Variants in TUSC3 observed in about 807,000 individuals in gnomAD.
TUSC3 encodes the protein tumor suppressor candidate 3.
TUSC3 carries 45 observed loss-of-function variants against 44.8 expected under a neutral mutation model. The observed-to-expected ratio is 1.00, with a 90% CI of 0.79 to 1.29. The LOEUF is 1.29. Ranked by LOEUF, TUSC3 falls within the 50% of genes most tolerant of loss-of-function variation. The probability of loss-of-function intolerance (pLI) is 0.00; values close to 1 mark genes in which losing one functional copy is unlikely to be tolerated. For missense variants in TUSC3, 519 were observed against 437.9 expected (o/e 1.19, Z -1.65); for synonymous variants, 212 against 152.9 (o/e 1.39, Z -2.85).
At chr8:15,652,851 T>C (rs1465702359) in intron 3 of TUSC3, among the ~76,000 whole-genome samples, 1 of 152,206 alleles carries the variant, frequency 6.6e-6, no homozygotes, top group Non-Finnish European at 1.5e-5. Flanking sequence ...ACTAGACTTG[T>C]GGACTAAATG....
intron 3 of TUSC3, among the ~76,000 whole-genome samples, chr8:15,652,772 T>C (rs993075241): frequency 6.6e-6 from 1 of 152,174 alleles, no homozygotes. Flanking sequence ...CTCTATCATA[T>C]TGGCAAACAG....
intron 1 of TUSC3, among the ~76,000 whole-genome samples, chr8:15,590,500 C>G (rs1271790350): frequency 6.6e-6 from 1 of 152,036 alleles, no homozygotes; most frequent in Non-Finnish European, 1.5e-5. Flanking sequence ...TGCCAATTCC[C>G]CCATTAACAT....
the TUSC3 span, among the ~76,000 whole-genome samples, chr8:15,794,221 T>C: frequency 6.6e-6 from 1 of 152,114 alleles, no homozygotes; most frequent in African/African-American, 2.4e-5. Flanking sequence ...TCTTGGTCGT[T>C]TTTTGACTCT....
the TUSC3 span, among the ~76,000 whole-genome samples, chr8:15,808,482 C>G: frequency 9.2e-5 from 14 of 152,048 alleles, no homozygotes; most frequent in African/African-American, 3.4e-4. Flanking sequence ...AAAGTTCTCT[C>G]AATATATATC....
intron 2 of TUSC3, among the ~76,000 whole-genome samples, chr8:15,526,790 C>T (rs1048901590): frequency 6.6e-6 from 1 of 152,034 alleles, no homozygotes; most frequent in African/African-American, 2.4e-5. Context: ...TGATAAGGAC[C>T]GGTACTAAAG....
At chr8:15,562,588 A>C (rs1278277781) in intron 1 of TUSC3, among the ~76,000 whole-genome samples, 1 of 152,142 alleles carries the variant, frequency 6.6e-6, no homozygotes, top group African/African-American at 2.4e-5. Flanking sequence ...GGCCAAAATT[A>C]AGGTGAGACC....
chr8:15,461,014 C>T (rs942326512), intron 1 of TUSC3, among the ~76,000 whole-genome samples: 10 of 152,082 alleles, frequency 6.6e-5, no homozygotes, highest in African/African-American at 2.2e-4. Context: ...TGTGCAGGAT[C>T]TTTTTAACTT....
At chr8:15,815,732 A>G in the TUSC3 span, among the ~76,000 whole-genome samples, 1 of 152,096 alleles carries the variant, frequency 6.6e-6, no homozygotes, top group Admixed American at 6.6e-5. Context: ...CCTTTGAACA[A>G]TGAGTTCAAA....
the TUSC3 span, among the ~76,000 whole-genome samples, chr8:15,791,744 A>G: frequency 6.6e-6 from 1 of 152,204 alleles, no homozygotes; most frequent in African/African-American, 2.4e-5. Flanking sequence ...ACGTTGTAAA[A>G]AAATTACTGC....
intron 2 of TUSC3, among the ~76,000 whole-genome samples, chr8:15,509,701 A>G (rs1330952222): frequency 6.6e-6 from 1 of 152,174 alleles, no homozygotes; most frequent in Non-Finnish European, 1.5e-5. Flanking sequence ...GTACTTCTTA[A>G]TATTTTGGAC....
chr8:15,634,142 C>G (rs186325343), intron 2 of TUSC3, among the ~76,000 whole-genome samples: 1 of 152,342 alleles, frequency 6.6e-6, no homozygotes, highest in Admixed American at 6.5e-5. Flanking sequence ...TGGTATTAAA[C>G]TTTTGCATGA....
intron 1 of TUSC3, among the ~76,000 whole-genome samples, chr8:15,570,811 T>A (rs1802843313): frequency 6.6e-6 from 1 of 151,984 alleles, no homozygotes; most frequent in African/African-American, 2.4e-5. Context: ...TCAGTGCTTC[T>A]CATACTGAAA....
At chr8:15,446,422 C>T (rs903459697) in intron 1 of TUSC3, among the ~76,000 whole-genome samples, 1 of 152,160 alleles carries the variant, frequency 6.6e-6, no homozygotes, top group Non-Finnish European at 1.5e-5. Flanking sequence ...CGCCACTGCA[C>T]TCCAGCCTGG....
At chr8:15,437,042 T>C (rs1563250562) in intron 1 of TUSC3, among the ~76,000 whole-genome samples, 2 of 152,150 alleles carry the variant, frequency 1.3e-5, no homozygotes, top group South Asian at 2.1e-4. Context: ...TTCTCAAAAA[T>C]TGTTTTCCAT....
At chr8:15,623,308 T>C in intron 2 of TUSC3, 59 bp downstream of exon 2, 3 of 1,434,556 alleles carry the variant, frequency 2.1e-6, no homozygotes, top group Admixed American at 2.5e-5. Flanking sequence ...ATATATATTT[T>C]TATGTTCATT....
intron 2 of TUSC3, among the ~76,000 whole-genome samples, chr8:15,530,211 C>T (rs1310750960): frequency 1.3e-5 from 2 of 151,970 alleles, no homozygotes; most frequent in East Asian, 3.9e-4. Context: ...GACAGTTTGA[C>T]AAGTCACTGA....
chr8:15,639,880 T>C (rs966128432), intron 2 of TUSC3, among the ~76,000 whole-genome samples: 1 of 151,924 alleles, frequency 6.6e-6, no homozygotes, highest in Non-Finnish European at 1.5e-5. Flanking sequence ...TAGGTTGTTG[T>C]CTTTGTCACC....
the TUSC3 span, among the ~76,000 whole-genome samples, chr8:15,802,023 G>C: frequency 6.6e-6 from 1 of 152,146 alleles, no homozygotes; most frequent in South Asian, 2.1e-4. Flanking sequence ...GAAGAATCTT[G>C]GCCAATATTT....
chr8:15,774,070 G>A, the TUSC3 span, among the ~76,000 whole-genome samples: 1 of 152,082 alleles, frequency 6.6e-6, no homozygotes. Context: ...AAACTTTTGT[G>A]CATTAAAAGC....
Sources: allele counts gnomAD v4.1 joint callset (sites outside exome capture counted in the v4.1 genomes callset), GRCh38; gene constraint gnomAD v4.1.1; transcripts MANE v1.5; gene names NCBI Gene and HGNC (gene_info 2026-07-23, HGNC 2026-07-21).